Variants in OPCML observed in about 807,000 individuals in gnomAD.
OPCML encodes the protein opioid-binding protein/cell adhesion molecule.
Under a neutral mutation model 37.8 loss-of-function variants are expected in OPCML, and 13 were observed. The ratio of observed to expected loss-of-function variants is 0.34; its 90% CI spans 0.22 to 0.55. The LOEUF (loss-of-function observed/expected upper bound fraction) is 0.55, where lower values mean the gene tolerates loss of function less well. Ranked by LOEUF, OPCML falls within the 20% of genes least tolerant of loss-of-function variation. The pLI is 0.91. For synonymous variants in OPCML, 176 were observed against 168.8 expected (o/e 1.04, Z -0.33); for missense variants, 341 against 435.6 (o/e 0.78, Z 1.93).
rs191399135 is a variant in OPCML, at chr11:132,694,810, T to C, written c.147-37491A>G. The stretch of plus-strand genomic sequence containing the variant: ...CTTTGGAGTTTACAGATACCTATGC[T>C]GCAATTCTCCCCTTCCTTCCTTAGT... On this transcript the variant is annotated intron_variant, in intron 2 of 7. Transcript: ENST00000524381. Among the ~76,000 whole-genome samples, 395 of 152,292 alleles carry C rather than the reference T, an allele frequency of 2.6e-3. 3 individuals carry two copies. The highest frequency in any genetic ancestry group is 5.2e-3 in the South Asian group (25 of 4,824).
At chr11:132,885,043 C>T (rs962596639) in intron 2 of OPCML, among the ~76,000 whole-genome samples, 6 of 152,194 alleles carry the variant, frequency 3.9e-5, no homozygotes, top group Non-Finnish European at 5.9e-5. Context: ...CTGGACCACA[C>T]GCTGTGCCTT....
chr11:132,755,154 CTAAATA>C (rs2136079958), intron 2 of OPCML, among the ~76,000 whole-genome samples: 2 of 152,176 alleles, frequency 1.3e-5, no homozygotes, highest in South Asian at 4.1e-4. Context: ...ATGGTTCAAC[CTAAATA>C]TAAGAAAGAC....
chr11:133,000,404 C>T (rs928655042), intron 1 of OPCML, among the ~76,000 whole-genome samples: 10 of 152,200 alleles, frequency 6.6e-5, no homozygotes, highest in Non-Finnish European at 1.0e-4. Context: ...TGAGCCACCG[C>T]GCTCATCCTG....
At chr11:133,121,878 A>T (rs1222478566) in intron 1 of OPCML, among the ~76,000 whole-genome samples, 1 of 152,206 alleles carries the variant, frequency 6.6e-6, no homozygotes, top group Non-Finnish European at 1.5e-5. Context: ...CAATGCCCCA[A>T]GCGACTTCTA....
At chr11:132,623,314 C>T (rs1200447913) in intron 3 of OPCML, among the ~76,000 whole-genome samples, 1 of 151,908 alleles carries the variant, frequency 6.6e-6, no homozygotes, top group Non-Finnish European at 1.5e-5. Context: ...ATGGCTCCTT[C>T]ATCGCCCACA....
At chr11:132,872,884 A>C (rs1942864379) in intron 2 of OPCML, among the ~76,000 whole-genome samples, 1 of 152,112 alleles carries the variant, frequency 6.6e-6, no homozygotes, top group African/African-American at 2.4e-5. Context: ...GTTACAATGT[A>C]AAATGAATAC....
At chr11:133,003,259 G>A (rs1309617141) in intron 1 of OPCML, among the ~76,000 whole-genome samples, 1 of 152,178 alleles carries the variant, frequency 6.6e-6, no homozygotes, top group Non-Finnish European at 1.5e-5. Flanking sequence ...TCTGAATTCA[G>A]CATCACTGAG....
intron 3 of OPCML, among the ~76,000 whole-genome samples, chr11:132,651,854 C>A (rs181703358): frequency 3.2e-4 from 48 of 152,206 alleles, no homozygotes; most frequent in Admixed American, 2.4e-3. Context: ...CATTTCCAGC[C>A]CTTTGCATAA....
chr11:132,888,734 T>C (rs1419675769), intron 2 of OPCML, among the ~76,000 whole-genome samples: 3 of 152,122 alleles, frequency 2.0e-5, no homozygotes, highest in African/African-American at 7.2e-5. Flanking sequence ...TGCTGCTGTG[T>C]AAAGGCATAA....
intron 3 of OPCML, among the ~76,000 whole-genome samples, chr11:132,549,124 A>G (rs2096375661): frequency 6.6e-6 from 1 of 152,166 alleles, no homozygotes; most frequent in Non-Finnish European, 1.5e-5. Context: ...TCACGCCGAT[A>G]AAACAGGATG....
At chr11:133,277,806 G>A (rs1324150484) in intron 1 of OPCML, among the ~76,000 whole-genome samples, 1 of 151,908 alleles carries the variant, frequency 6.6e-6, no homozygotes, top group Non-Finnish European at 1.5e-5. Flanking sequence ...TATAATGTAT[G>A]TAACATAAGT....
chr11:132,518,669 G>T (rs2096285541), intron 4 of OPCML, among the ~76,000 whole-genome samples: 1 of 152,120 alleles, frequency 6.6e-6, no homozygotes, highest in African/African-American at 2.4e-5. Context: ...TCAGGGAAAA[G>T]TTACCCTAGG....
chr11:132,888,191 T>C (rs1255426080), intron 2 of OPCML, among the ~76,000 whole-genome samples: 1 of 152,190 alleles, frequency 6.6e-6, no homozygotes, highest in South Asian at 2.1e-4. Flanking sequence ...GTTCCCTTTC[T>C]GTCACTAAGA....
chr11:132,635,199 A>C (rs73593128), intron 3 of OPCML, among the ~76,000 whole-genome samples: 1 of 152,094 alleles, frequency 6.6e-6, no homozygotes, highest in Non-Finnish European at 1.5e-5. Context: ...AATTGTGGAA[A>C]TCTAAATTTC....
chr11:133,463,907 T>A (rs1187170269), intron 1 of OPCML, among the ~76,000 whole-genome samples: 1 of 152,206 alleles, frequency 6.6e-6, no homozygotes, highest in Non-Finnish European at 1.5e-5. Context: ...GGTTGGCAAT[T>A]GACCCGGGCC....
At chr11:132,733,669 C>A (rs1565818398) in intron 2 of OPCML, among the ~76,000 whole-genome samples, 1 of 152,080 alleles carries the variant, frequency 6.6e-6, no homozygotes, top group Non-Finnish European at 1.5e-5. Context: ...AGCTCAGTAA[C>A]CTGGGTATGA....
At chr11:132,527,675 G>T (rs1190425145) in intron 4 of OPCML, among the ~76,000 whole-genome samples, 1 of 152,036 alleles carries the variant, frequency 6.6e-6, no homozygotes, top group African/African-American at 2.4e-5. Flanking sequence ...TCCACCGAAG[G>T]TTTTTAATTT....
At chr11:133,044,928 C>T (rs144848672) in intron 1 of OPCML, among the ~76,000 whole-genome samples, 1 of 152,308 alleles carries the variant, frequency 6.6e-6, no homozygotes, top group African/African-American at 2.4e-5. Flanking sequence ...TAAAGACCAG[C>T]CCTGAATCTC....
intron 2 of OPCML, among the ~76,000 whole-genome samples, chr11:132,826,953 G>C (rs1171675748): frequency 6.6e-6 from 1 of 152,146 alleles, no homozygotes; most frequent in South Asian, 2.1e-4. Context: ...AGAAGGGGGA[G>C]ACAGATATAT....
Sources: gnomAD v4.1 joint callset for allele counts (sites outside exome capture counted in the v4.1 genomes callset) on GRCh38, gnomAD v4.1.1 for gene constraint, MANE v1.5 for transcripts, NCBI Gene and HGNC (gene_info 2026-07-23, HGNC 2026-07-21) for gene names.